Variants in TASP1 observed in about 807,000 individuals in gnomAD.
TASP1 encodes taspase 1.
TASP1 carries 16 observed loss-of-function variants against 56.6 expected under a neutral mutation model. The ratio of observed to expected loss-of-function variants is 0.28; its 90% CI spans 0.19 to 0.43. The LOEUF (loss-of-function observed/expected upper bound fraction) is 0.43, where lower values mean the gene tolerates loss of function less well. TASP1 is among the 20% of genes least tolerant of loss of function. The pLI is 1.00. For missense variants in TASP1, 393 were observed against 511.6 expected (o/e 0.77, Z 2.24); for synonymous variants, 179 against 184.2 (o/e 0.97, Z 0.23).
the TASP1 span, among the ~76,000 whole-genome samples, chr20:13,220,089 G>T: frequency 6.6e-6 from 1 of 152,182 alleles, no homozygotes; most frequent in Non-Finnish European, 1.5e-5. Context: ...GTGCGACGCG[G>T]CTGTGTGCGA....
At chr20:13,230,113 G>A in the TASP1 span, among the ~76,000 whole-genome samples, 12 of 152,284 alleles carry the variant, frequency 7.9e-5, no homozygotes, top group East Asian at 1.7e-3. Context: ...ATCCTCAGAT[G>A]TCTATTCATT....
chr20:13,576,377 G>GAAAGAAAGAA (rs1555793585), intron 6 of TASP1, among the ~76,000 whole-genome samples: 8 of 71,280 alleles, frequency 1.1e-4, no homozygotes, highest in African/African-American at 1.5e-4. Flanking sequence ...AAGAAAGAAA[G>GAAAGAAAGAA]AAAGAAAGAA....
chr20:13,635,362 C>A (rs1003929184), intron 1 of TASP1, among the ~76,000 whole-genome samples: 2 of 151,206 alleles, frequency 1.3e-5, no homozygotes, highest in Non-Finnish European at 2.9e-5. Flanking sequence ...CTGACCCCAA[C>A]TGCAAATGTT....
chr20:13,351,583 G>C, the TASP1 span, among the ~76,000 whole-genome samples: 1 of 152,288 alleles, frequency 6.6e-6, no homozygotes, highest in African/African-American at 2.4e-5. Flanking sequence ...TCTTGAAAAG[G>C]TAAAACTATA....
the TASP1 span, among the ~76,000 whole-genome samples, chr20:13,369,069 A>G: frequency 6.6e-6 from 1 of 152,222 alleles, no homozygotes; most frequent in Non-Finnish European, 1.5e-5. Context: ...TTTGTATTTG[A>G]GGTTGAAGTA....
In TASP1 at chr20:13,634,135, C is replaced by T. The variant is rs149926051; in HGVS notation, c.-74-3983G>A. 2.8e-3 allele frequency among the ~76,000 whole-genome samples: 433 copies of T among 152,096 alleles called. 1 individual carries two copies. Among genetic ancestry groups the T allele is most frequent in the African/African-American group, 9.8e-3 (405 of 41,468 alleles). On this transcript the variant is annotated intron_variant, in intron 1 of 13. Coordinates refer to ENST00000337743, the MANE Select transcript of TASP1 (RefSeq NM_017714.3). ...ATTATTCACAGCATCCAAAAACAAC[C>T]CAAAGGTCCATCAACTGATGATGAA...
chr20:13,508,905 C>G (rs1397861182), intron 10 of TASP1, among the ~76,000 whole-genome samples: 1 of 152,132 alleles, frequency 6.6e-6, no homozygotes, highest in Non-Finnish European at 1.5e-5. Context: ...TAAATTAGTA[C>G]AGCCATTCTG....
the TASP1 span, among the ~76,000 whole-genome samples, chr20:13,221,219 A>ACTACTCCTC: frequency 1.7e-3 from 137 of 82,734 alleles, 1 homozygote; most frequent in East Asian, 0.014. Flanking sequence ...AAGCCCTCCT[A>ACTACTCCTC]CTCCTCCTCC....
At chr20:13,304,473 T>C in the TASP1 span, among the ~76,000 whole-genome samples, 2 of 152,166 alleles carry the variant, frequency 1.3e-5, no homozygotes, top group African/African-American at 2.4e-5. Flanking sequence ...AAACTACCCA[T>C]TGTCCAGTGC....
chr20:13,232,418 G>T, the TASP1 span, among the ~76,000 whole-genome samples: 7 of 152,218 alleles, frequency 4.6e-5, no homozygotes, highest in Admixed American at 1.3e-4. Context: ...AGCATTGCAT[G>T]ATATGGCTTT....
In TASP1 at chr20:13,394,307, C is replaced by CAAAAAAAAAA. The variant is rs57418361; in HGVS notation, c.1171-3865_1171-3856dup. On this transcript the variant is annotated intron_variant, in intron 13 of 13. Transcript: ENST00000337743. ...GCCACTGCACTACAGCACTCCCTCT[C>CAAAAAAAAAA]AAAAAAAAAAAAAAAAAAAAAGGCC... Among the ~76,000 whole-genome samples, 145 of 42,908 alleles carry CAAAAAAAAAA rather than the reference C, an allele frequency of 3.4e-3. 6 individuals carry two copies. Among genetic ancestry groups the CAAAAAAAAAA allele is most frequent in the African/African-American group, 0.012 (135 of 10,838 alleles). The allele number at this position is 42,908 out of a possible 152,430, so 28.1% of individuals were successfully genotyped here.
At chr20:13,259,229 C>T in the TASP1 span, among the ~76,000 whole-genome samples, 2 of 150,404 alleles carry the variant, frequency 1.3e-5, no homozygotes, top group South Asian at 2.1e-4. Flanking sequence ...TGCAGTGAGC[C>T]GAGATCGTAC....
intron 11 of TASP1, among the ~76,000 whole-genome samples, chr20:13,478,924 T>C (rs1211462390): frequency 6.6e-6 from 1 of 152,142 alleles, no homozygotes; most frequent in Non-Finnish European, 1.5e-5. Context: ...AGTAGAGGAA[T>C]GAATAAATTA....
chr20:13,493,106 G>A (rs967907330), intron 10 of TASP1, among the ~76,000 whole-genome samples: 3 of 152,060 alleles, frequency 2.0e-5, no homozygotes, highest in Non-Finnish European at 4.4e-5. Flanking sequence ...CCAGTTTTAT[G>A]AACGCAAATA....
chr20:13,466,507 G>A (rs1392828560), intron 11 of TASP1, among the ~76,000 whole-genome samples: 1 of 152,144 alleles, frequency 6.6e-6, no homozygotes, highest in Non-Finnish European at 1.5e-5. Flanking sequence ...AGCACTTTGG[G>A]AGGCCAAGGC....
At chr20:13,213,897 G>T in the TASP1 span, among the ~76,000 whole-genome samples, 4 of 152,134 alleles carry the variant, frequency 2.6e-5, no homozygotes, top group Non-Finnish European at 4.4e-5. Context: ...AGGGCATTCT[G>T]CAAAATCAGC....
chr20:13,495,542 T>G (rs2043690025), intron 10 of TASP1, among the ~76,000 whole-genome samples: 1 of 152,106 alleles, frequency 6.6e-6, no homozygotes, highest in African/African-American at 2.4e-5. Context: ...ATACAGAAAT[T>G]GTCCAAAAGC....
chr20:13,299,081 C>T, the TASP1 span: 9 of 1,613,830 alleles, frequency 5.6e-6, no homozygotes, highest in Non-Finnish European at 7.6e-6. This position sits in a 1 kb window ranked among gnomAD's most constrained non-coding sequence, Gnocchi z 5.8. Context: ...ACATCTTCGA[C>T]CGCATCAAGC....
the TASP1 span, among the ~76,000 whole-genome samples, chr20:13,261,836 A>G: frequency 1.3e-5 from 2 of 152,196 alleles, no homozygotes; most frequent in African/African-American, 4.8e-5. Context: ...CCCAGACCTC[A>G]GCTTCTGAAC....
Sources: gnomAD v4.1 joint callset for allele counts (sites outside exome capture counted in the v4.1 genomes callset) on GRCh38, gnomAD v4.1.1 for gene constraint, Gnocchi (gnomAD v3.1) non-coding constraint, MANE v1.5 for transcripts, NCBI Gene and HGNC (gene_info 2026-07-23, HGNC 2026-07-21) for gene names.